The following FYB1 variants were observed in gnomAD, a reference collection of about 807,000 sequenced individuals.
The protein encoded by FYB1 is FYN binding protein 1.
In FYB1, 41 loss-of-function variants were observed where a neutral mutation model predicts 94.1. The observed-to-expected ratio is 0.44, with a 90% CI of 0.34 to 0.57. The LOEUF (loss-of-function observed/expected upper bound fraction) is 0.57, where lower values mean the gene tolerates loss of function less well. Ranked by LOEUF, FYB1 falls within the 20% of genes least tolerant of loss-of-function variation. The pLI, the probability that FYB1 is intolerant of heterozygous loss-of-function variation, is 0.02. For missense variants in FYB1, 1,050 were observed against 976.8 expected (o/e 1.07, Z -1.00); for synonymous variants, 367 against 353.2 (o/e 1.04, Z -0.44).
At chr5:39,244,809 A>G (rs895258677) in intron 1 of FYB1, among the ~76,000 whole-genome samples, 1 of 152,152 alleles carries the variant, frequency 6.6e-6, no homozygotes, top group Non-Finnish European at 1.5e-5. Context: ...TTATTGCCTC[A>G]ATTTCAGAGC....
chr5:39,145,344 A>G (rs1285148589), intron 3 of FYB1, among the ~76,000 whole-genome samples: 2 of 152,188 alleles, frequency 1.3e-5, no homozygotes, highest in African/African-American at 4.8e-5. Flanking sequence ...GGAATGTTTA[A>G]AAATGAAATT....
At chr5:39,230,540 T>A (rs1362730353) in intron 1 of FYB1, among the ~76,000 whole-genome samples, 1 of 151,998 alleles carries the variant, frequency 6.6e-6, no homozygotes, top group Non-Finnish European at 1.5e-5. Context: ...TATATGTATA[T>A]ATGTATAATA....
Position 39,185,525 on chromosome 5 carries a change from AAT to A in FYB1, c.1135+16299_1135+16300del, listed in dbSNP as rs1370827396. On this transcript the variant is annotated intron_variant, in intron 2 of 18. Transcript: ENST00000512982. ...AGAAAAGATAACTGACTAAAAAAAAAATATATATATATATATGATATATATGA... is the reference window on the plus strand; with the variant it reads ...AGAAAAGATAACTGACTAAAAAAAAAATATATATATATATGATATATATGA... Among the ~76,000 whole-genome samples the A allele has an allele frequency of 2.4e-4, 33 of 137,280 alleles. 1 individual carries two copies. The highest frequency in any genetic ancestry group is 1.2e-3 in the South Asian group (5 of 4,130). The allele number at this position is 137,280 out of a possible 152,430, so 90.1% of individuals were successfully genotyped here. A position where few individuals can be genotyped will look rare whatever the true frequency, so the allele number is the denominator to read the frequency against.
intron 1 of FYB1, among the ~76,000 whole-genome samples, chr5:39,259,221 C>A (rs1342360873): frequency 6.6e-6 from 1 of 152,198 alleles, no homozygotes; most frequent in Non-Finnish European, 1.5e-5. Flanking sequence ...TGAAGTCCAA[C>A]TGTATCTAGC....
chr5:39,220,618 C>T (rs1750202762), upstream of FYB1, among the ~76,000 whole-genome samples: 1 of 152,144 alleles, frequency 6.6e-6, no homozygotes, highest in Admixed American at 6.5e-5. Flanking sequence ...TCCTTCTACT[C>T]ATTCATTCAT....
At chr5:39,116,613 G>C (rs1580302622) in intron 16 of FYB1, among the ~76,000 whole-genome samples, 1 of 151,986 alleles carries the variant, frequency 6.6e-6, no homozygotes, top group African/African-American at 2.4e-5. Context: ...AAGGTCAGCT[G>C]GTTCCTAGGA....
At chr5:39,174,772 G>A (rs2033269) in intron 2 of FYB1, among the ~76,000 whole-genome samples, 22,803 of 152,096 alleles carry the variant, frequency 0.15, 2,197 homozygotes, top group Non-Finnish European at 0.21. Flanking sequence ...TAAAACATAA[G>A]CATCTTATTT....
intron 3 of FYB1, among the ~76,000 whole-genome samples, chr5:39,142,055 A>G (rs934261911): frequency 1.1e-4 from 16 of 152,174 alleles, no homozygotes; most frequent in African/African-American, 3.6e-4. Flanking sequence ...AATTATGTAT[A>G]TGACCATTTA....
chr5:39,230,574 G>A (rs900369867), intron 1 of FYB1, among the ~76,000 whole-genome samples: 2 of 151,878 alleles, frequency 1.3e-5, no homozygotes, highest in African/African-American at 2.4e-5. Context: ...TTCTGTATAT[G>A]TGTGTGTGTA....
chr5:39,166,443 A>C (rs113887687), intron 2 of FYB1, among the ~76,000 whole-genome samples: 11,629 of 151,510 alleles, frequency 0.077, 1,472 homozygotes, highest in African/African-American at 0.27. Context: ...CTCATAAAAA[A>C]AAAAAAAAAG....
intron 2 of FYB1, among the ~76,000 whole-genome samples, chr5:39,183,118 G>C (rs988668028): frequency 6.6e-6 from 1 of 152,032 alleles, no homozygotes; most frequent in Non-Finnish European, 1.5e-5. Context: ...CGCCTCCTGG[G>C]TTCAAGCGCT....
At chr5:39,232,332 A>T (rs1293321454) in intron 1 of FYB1, among the ~76,000 whole-genome samples, 1 of 152,058 alleles carries the variant, frequency 6.6e-6, no homozygotes, top group Non-Finnish European at 1.5e-5. Flanking sequence ...AGAAATGAAT[A>T]AGCTACCAGG....
At chr5:39,250,319 T>C (rs986488979) in intron 1 of FYB1, among the ~76,000 whole-genome samples, 4 of 152,040 alleles carry the variant, frequency 2.6e-5, no homozygotes, top group Admixed American at 6.6e-5. Flanking sequence ...AAATACAAAG[T>C]GTGATTCAAA....
Position 39,115,612 on chromosome 5 carries a change from C to T in FYB1, c.2401+3262G>A, listed in dbSNP as rs79785633. 3.0e-3 allele frequency among the ~76,000 whole-genome samples: 455 copies of T among 152,046 alleles called. 1 individual carries two copies. The highest frequency in any genetic ancestry group is 0.011 in the African/African-American group (447 of 41,438). On this transcript the variant is annotated intron_variant, in intron 16 of 18. Transcript: ENST00000512982. Reference sequence around the variant, plus strand: ...AAAGATAGACATATCACTAGAAAGGCTATTGCAATCATCTAGGAGAGGGAG... The same window carrying T: ...AAAGATAGACATATCACTAGAAAGGTTATTGCAATCATCTAGGAGAGGGAG...
intron 1 of FYB1, among the ~76,000 whole-genome samples, chr5:39,244,578 C>A (rs552499183): frequency 1.5e-3 from 225 of 150,678 alleles, no homozygotes; most frequent in African/African-American, 5.5e-3. Context: ...CAATGCTCAT[C>A]GGGGATATTG....
At chr5:39,135,046 T>C (rs368654197) in intron 7 of FYB1, 32 bp from the exon 8 acceptor site, 17 of 1,601,320 alleles carry the variant, frequency 1.1e-5, no homozygotes, top group Non-Finnish European at 1.4e-5. Context: ...CACAAAAGAT[T>C]TCCTTATAAT....
intron 1 of FYB1, among the ~76,000 whole-genome samples, chr5:39,272,307 G>A (rs183544176): frequency 6.6e-6 from 1 of 152,082 alleles, no homozygotes; most frequent in East Asian, 1.9e-4. Context: ...AGAAATAATC[G>A]TGACACTCTG....
intron 2 of FYB1, among the ~76,000 whole-genome samples, chr5:39,161,729 A>G (rs948334774): frequency 6.6e-6 from 1 of 152,188 alleles, no homozygotes; most frequent in Non-Finnish European, 1.5e-5. Flanking sequence ...CTGGTTTAAA[A>G]TATACAACTC....
intron 18 of FYB1, among the ~76,000 whole-genome samples, chr5:39,107,921 G>T (rs1189047797): frequency 6.6e-6 from 1 of 151,924 alleles, no homozygotes; most frequent in Non-Finnish European, 1.5e-5. Flanking sequence ...CTATTTATTT[G>T]CCAAAAATGT....
Sources: gnomAD v4.1 joint callset for allele counts (sites outside exome capture counted in the v4.1 genomes callset) on GRCh38, gnomAD v4.1.1 for gene constraint, MANE v1.5 for transcripts, NCBI Gene and HGNC (gene_info 2026-07-23, HGNC 2026-07-21) for gene names.